KCNB2: variants seen among roughly 807,000 people sequenced by gnomAD.
The protein encoded by KCNB2 is potassium voltage-gated channel subfamily B member 2, also known as delayed rectifier potassium channel protein.
A neutral mutation model predicts 61.5 loss-of-function variants in KCNB2; 15 were observed. The observed-to-expected ratio is 0.24, with a 90% CI of 0.16 to 0.38. KCNB2 has a LOEUF of 0.38. KCNB2 is among the 10% of genes least tolerant of loss of function. KCNB2 has a pLI of 1.00. For synonymous variants in KCNB2, 457 were observed against 446.0 expected (o/e 1.02, Z -0.31); for missense variants, 828 against 1,125.2 (o/e 0.74, Z 3.78).
intron 2 of KCNB2, among the ~76,000 whole-genome samples, chr8:72,712,145 A>G (rs1807336325): frequency 6.6e-6 from 1 of 152,226 alleles, no homozygotes; most frequent in South Asian, 2.1e-4. Flanking sequence ...ATAATTGGTA[A>G]TAGATATTTT....
intron 2 of KCNB2, among the ~76,000 whole-genome samples, chr8:72,827,777 T>C (rs537644496): frequency 6.6e-6 from 1 of 152,068 alleles, no homozygotes; most frequent in African/African-American, 2.4e-5. Context: ...ATATGAAATA[T>C]ATGAGAGGAG....
chr8:72,654,938 A>G (rs1408731398), intron 2 of KCNB2, among the ~76,000 whole-genome samples: 2 of 152,162 alleles, frequency 1.3e-5, no homozygotes, highest in Non-Finnish European at 2.9e-5. Flanking sequence ...CAGCAATCCC[A>G]TTGTTGAGTA....
chr8:72,722,167 A>C (rs549253447), intron 2 of KCNB2, among the ~76,000 whole-genome samples: 1 of 152,318 alleles, frequency 6.6e-6, no homozygotes, highest in East Asian at 1.9e-4. Flanking sequence ...TCATCTGTGC[A>C]GGCTATCCTG....
chr8:72,600,163 A>G (rs1807271040), intron 2 of KCNB2, among the ~76,000 whole-genome samples: 1 of 152,224 alleles, frequency 6.6e-6, no homozygotes, highest in African/African-American at 2.4e-5. Flanking sequence ...TTGCGGCATT[A>G]TTCACAATAG....
intron 2 of KCNB2, among the ~76,000 whole-genome samples, chr8:72,785,291 A>G (rs1808828931): frequency 6.6e-6 from 1 of 152,190 alleles, no homozygotes; most frequent in African/African-American, 2.4e-5. Context: ...CTAACAAAAT[A>G]TGAGAGAAAG....
rs576350106 is a variant in KCNB2, at chr8:72,588,280, G to A, written c.579+19967G>A. 3.6e-4 allele frequency among the ~76,000 whole-genome samples: 53 copies of A among 148,768 alleles called. 2 individuals carry two copies. The South Asian group carries it at 7.7e-3, about 22-fold the overall frequency. Reference sequence around the variant, plus strand: ...GTTGCCCAGGCTGGAGTGCAATGGCGTGATCTTGGCTCACCGCATCCTCCC... The same window carrying A: ...GTTGCCCAGGCTGGAGTGCAATGGCATGATCTTGGCTCACCGCATCCTCCC... On this transcript the variant is annotated intron_variant, in intron 2 of 2. Coordinates refer to ENST00000523207, the MANE Select transcript of KCNB2 (RefSeq NM_004770.3).
chr8:72,734,402 A>G (rs1251560053), intron 2 of KCNB2, among the ~76,000 whole-genome samples: 7 of 152,202 alleles, frequency 4.6e-5, no homozygotes, highest in Admixed American at 6.5e-5. Flanking sequence ...GTTCTTTCCA[A>G]AGAGCATGTA....
intron 2 of KCNB2, among the ~76,000 whole-genome samples, chr8:72,823,407 C>T (rs1025632336): frequency 2.6e-5 from 4 of 152,084 alleles, no homozygotes; most frequent in Admixed American, 1.3e-4. Context: ...GGAGTCTGTG[C>T]ACAGACACTG....
chr8:72,705,145 C>T (rs934821808), intron 2 of KCNB2, among the ~76,000 whole-genome samples: 2 of 151,980 alleles, frequency 1.3e-5, no homozygotes, highest in African/African-American at 4.8e-5. Flanking sequence ...TGAGTGAGTC[C>T]CTTTGACATC....
chr8:72,690,098 A>G (rs953928718), intron 2 of KCNB2, among the ~76,000 whole-genome samples: 1 of 152,012 alleles, frequency 6.6e-6, no homozygotes, highest in African/African-American at 2.4e-5. Flanking sequence ...GTAGGGTGCT[A>G]TAAGAAATAT....
intron 2 of KCNB2, among the ~76,000 whole-genome samples, chr8:72,670,515 C>T (rs1388335515): frequency 6.6e-6 from 1 of 152,146 alleles, no homozygotes; most frequent in Non-Finnish European, 1.5e-5. Context: ...AACCTCTCCA[C>T]TCTCACTGCC....
intron 2 of KCNB2, among the ~76,000 whole-genome samples, chr8:72,871,499 T>TA (rs1321531519): frequency 6.6e-6 from 1 of 152,240 alleles, no homozygotes; most frequent in African/African-American, 2.4e-5. Context: ...TTAAGTGTCT[T>TA]AGATTGCAGG....
intron 2 of KCNB2, among the ~76,000 whole-genome samples, chr8:72,695,225 A>C (rs1488545618): frequency 6.6e-6 from 1 of 152,108 alleles, no homozygotes; most frequent in Non-Finnish European, 1.5e-5. Context: ...CTCTCTTATC[A>C]TCTCCCCACT....
At chr8:72,766,486 G>C (rs1808461790) in intron 2 of KCNB2, among the ~76,000 whole-genome samples, 1 of 152,186 alleles carries the variant, frequency 6.6e-6, no homozygotes, top group African/African-American at 2.4e-5. Context: ...ACACCAAGAT[G>C]CCTCAGGGTC....
chr8:72,862,122 A>C (rs10098312), intron 2 of KCNB2, among the ~76,000 whole-genome samples: 4 of 152,180 alleles, frequency 2.6e-5, no homozygotes, highest in African/African-American at 9.6e-5. Flanking sequence ...ACAGAGCAAG[A>C]CTGTCTCAAA....
At chr8:72,695,431 T>C (rs114974389) in intron 2 of KCNB2, among the ~76,000 whole-genome samples, 257 of 152,300 alleles carry the variant, frequency 1.7e-3, no homozygotes, top group African/African-American at 5.9e-3. Flanking sequence ...TAAATAAGTA[T>C]AGAGTTTACT....
intron 2 of KCNB2, among the ~76,000 whole-genome samples, chr8:72,835,826 G>A (rs545304309): frequency 6.0e-4 from 91 of 152,128 alleles, no homozygotes; most frequent in South Asian, 2.5e-3. Context: ...CTCTCCTTCC[G>A]CAATCCTACT....
intron 2 of KCNB2, among the ~76,000 whole-genome samples, chr8:72,782,994 T>C (rs1364064407): frequency 6.6e-6 from 1 of 152,170 alleles, no homozygotes; most frequent in Non-Finnish European, 1.5e-5. Context: ...CTAATTAGAG[T>C]TGTAAGTAAC....
intron 1 of KCNB2, among the ~76,000 whole-genome samples, chr8:72,547,749 G>A (rs1015570712): frequency 1.3e-5 from 2 of 152,186 alleles, no homozygotes; most frequent in Non-Finnish European, 2.9e-5. Context: ...AAGACACTGT[G>A]AACATTGTTG....
Sources: allele counts gnomAD v4.1 joint callset (sites outside exome capture counted in the v4.1 genomes callset), GRCh38; gene constraint gnomAD v4.1.1; transcripts MANE v1.5; gene names NCBI Gene and HGNC (gene_info 2026-07-23, HGNC 2026-07-21).